TBC1D8: variants seen among roughly 807,000 people sequenced by gnomAD.
TBC1D8 encodes the protein TBC1 domain family member 8.
Under a neutral mutation model 118.8 loss-of-function variants are expected in TBC1D8, and 65 were observed. The ratio of observed to expected loss-of-function variants is 0.55; its 90% CI spans 0.45 to 0.67. The LOEUF is 0.67. TBC1D8 is among the 30% of genes least tolerant of loss of function. The pLI, the probability that TBC1D8 is intolerant of heterozygous loss-of-function variation, is 0.00. For synonymous variants in TBC1D8, 566 were observed against 595.8 expected (o/e 0.95, Z 0.73); for missense variants, 1,376 against 1,471.2 (o/e 0.94, Z 1.06).
chr2:101,090,451 A>C lies in TBC1D8; in HGVS notation c.128-87T>G, dbSNP rs567655146. The C allele has an allele frequency of 2.8e-6, 4 of 1,429,368 alleles. No homozygotes were observed. The African/African-American group carries it at 5.7e-5, about 20-fold the overall frequency. 88.5% of individuals were successfully genotyped at this position (1,429,368 alleles called of 1,614,324 possible). A position where few individuals can be genotyped will look rare whatever the true frequency, so the allele number is the denominator to read the frequency against. On this transcript the variant is annotated intron_variant, in intron 1 of 19. Coordinates refer to ENST00000409318, the MANE Select transcript of TBC1D8 (RefSeq NM_001330348.2). ...TGTGAGGCATGTGGTCGCTGTCTGG[A>C]CTCCATGCTGGGGTAGCAGAGACAG...
At chr2:101,043,056 T>C (rs1320762017) in intron 5 of TBC1D8, among the ~76,000 whole-genome samples, 3 of 152,236 alleles carry the variant, frequency 2.0e-5, no homozygotes, top group Admixed American at 6.5e-5. Flanking sequence ...TGGAATTTAC[T>C]ATCCAGCCCT....
chr2:101,040,442 G>A (rs1291705132), intron 5 of TBC1D8, 57 bp from the exon 6 acceptor site: 1 of 1,462,742 alleles, frequency 6.8e-7, no homozygotes, highest in African/African-American at 1.4e-5. Flanking sequence ...GGACAGCCAA[G>A]ATTACAAAGG....
intron 17 of TBC1D8, among the ~76,000 whole-genome samples, chr2:101,015,133 C>T (rs971984482): frequency 6.6e-6 from 1 of 152,152 alleles, no homozygotes; most frequent in African/African-American, 2.4e-5. Flanking sequence ...GGCTACAAAC[C>T]TGTACAGCAT....
intron 1 of TBC1D8, among the ~76,000 whole-genome samples, chr2:101,137,842 G>A (rs566973286): frequency 6.6e-6 from 1 of 152,186 alleles, no homozygotes; most frequent in East Asian, 1.9e-4. Flanking sequence ...TTTTTGCCAG[G>A]TGAAAACATC....
At chr2:101,112,472 G>C (rs1017647699) in intron 1 of TBC1D8, among the ~76,000 whole-genome samples, 1 of 152,190 alleles carries the variant, frequency 6.6e-6, no homozygotes, top group Non-Finnish European at 1.5e-5. Flanking sequence ...GGAAAACCAA[G>C]ATGTCACAAA....
At chr2:101,035,191 G>A (rs1487354447) in intron 9 of TBC1D8, among the ~76,000 whole-genome samples, 4 of 152,186 alleles carry the variant, frequency 2.6e-5, no homozygotes, top group South Asian at 4.1e-4. Flanking sequence ...TGACAAAAGC[G>A]CCATGGGGTC....
rs748798704 is a variant in TBC1D8 at position 101,008,071 on chromosome 2, G to A, written c.3218C>T (p.Ser1073Leu). 16 of 1,613,914 alleles carry A rather than the reference G, an allele frequency of 9.9e-6. No homozygotes were observed. The highest frequency in any genetic ancestry group is 6.7e-5 in the Admixed American group (4 of 60,004). The change falls in exon 20 of 20, where the codon TCG becomes TTG. Residue 1073 changes from serine (S) to leucine (L), a missense_variant. Ser to Leu is a moderately radical substitution (Grantham distance 145). Coordinates refer to ENST00000409318, the MANE Select transcript of TBC1D8 (RefSeq NM_001330348.2). ...CGTCTTCCCAGTGTCTGCAAAAACC[G>A]AGTCCTCAGGAGAAGGAGCTGAAGC... ...LRASAPSPED[S>L]VFADTGKTPQ...
At chr2:101,073,444 G>C (rs528971345) in intron 2 of TBC1D8, among the ~76,000 whole-genome samples, 11 of 151,928 alleles carry the variant, frequency 7.2e-5, no homozygotes, top group African/African-American at 2.7e-4. Context: ...ACAGGTGCCC[G>C]CCACCACGCC....
rs372185417 is a variant in TBC1D8 at position 101,028,035 on chromosome 2, G to A, written c.2451+13C>T. ...AATACCGTGATCACCGGGGTGAGGC[G>A]TCTGCTACCCACCACGTTCTGCTTT... is the stretch of plus-strand genomic sequence containing the variant. On this transcript the variant is annotated intron_variant, in intron 14 of 19. Coordinates refer to ENST00000409318, the MANE Select transcript of TBC1D8 (RefSeq NM_001330348.2). 120 of 1,613,442 alleles carry A rather than the reference G, an allele frequency of 7.4e-5. No individual in the cohort carries two copies. The highest frequency in any genetic ancestry group is 7.5e-5 in the Non-Finnish European group (89 of 1,179,506).
Position 101,032,346 on chromosome 2 carries a change from T to C in TBC1D8, c.1858A>G (p.Lys620Glu), listed in dbSNP as rs745506596. ...ILTSVLLLYT[K>E]EEEAFWLLVA... Reference sequence around the variant, plus strand: ...AACAGCCAGAAGGCTTCCTCCTCCTTGGTGTACAGCAGCAGCACGGAGGTC... The same window carrying C: ...AACAGCCAGAAGGCTTCCTCCTCCTCGGTGTACAGCAGCAGCACGGAGGTC... The change falls in exon 11 of 20, where the codon AAG becomes GAG. Residue 620 changes from lysine to glutamate, a missense_variant. Transcript: ENST00000409318. 24 of 1,613,662 alleles carry C rather than the reference T, an allele frequency of 1.5e-5. No homozygotes were observed. Among genetic ancestry groups the C allele is most frequent in the Admixed American group, 1.0e-4 (6 of 60,006 alleles).
At chr2:101,096,692 A>G (rs1173989348) in intron 1 of TBC1D8, among the ~76,000 whole-genome samples, 2 of 152,054 alleles carry the variant, frequency 1.3e-5, no homozygotes, top group African/African-American at 4.8e-5. Context: ...ACTGCCTTTG[A>G]TGGGCTCATC....
chr2:101,011,166 T>A, intron 18 of TBC1D8, 140 bp from the exon 19 acceptor site: 1 of 827,622 alleles, frequency 1.2e-6, no homozygotes, highest in Non-Finnish European at 1.9e-6. Context: ...AGCAAGAGAT[T>A]CCCCTGGAGA....
intron 14 of TBC1D8, 96 bp from the exon 15 acceptor site, chr2:101,027,547 G>A: frequency 9.4e-7 from 1 of 1,067,228 alleles, no homozygotes; most frequent in South Asian, 1.3e-5. Context: ...GGGGACACAA[G>A]GAGCCCATGC....
chr2:101,061,230 C>G (rs1290037642), intron 2 of TBC1D8, among the ~76,000 whole-genome samples: 2 of 148,232 alleles, frequency 1.3e-5, no homozygotes, highest in African/African-American at 2.5e-5. Flanking sequence ...GCATTTTGCT[C>G]AGTCATCTTT....
intron 4 of TBC1D8, among the ~76,000 whole-genome samples, chr2:101,052,479 C>CTTTTTT (rs3043690): frequency 7.2e-6 from 1 of 138,818 alleles, no homozygotes; most frequent in Non-Finnish European, 1.5e-5. Context: ...TTTCCTAAAT[C>CTTTTTT]TTTTTTTTTT....
intron 1 of TBC1D8, among the ~76,000 whole-genome samples, chr2:101,124,151 G>C (rs536964986): frequency 6.6e-6 from 1 of 152,212 alleles, no homozygotes; most frequent in South Asian, 2.1e-4. Context: ...ACTGCCACTG[G>C]ATCTCCGACA....
rs1407221423 is a variant in TBC1D8, at chr2:101,032,373, G to A, written c.1831C>T (p.Leu611=). 1 of 1,613,656 alleles carries A rather than the reference G, an allele frequency of 6.2e-7. No homozygotes were observed. The highest frequency in any genetic ancestry group is 8.5e-7 in the Non-Finnish European group (1 of 1,179,704). Residue 611 remains leucine (L), a synonymous_variant, in exon 11 of 20, where the codon CTG becomes TTG. Coordinates refer to ENST00000409318, the MANE Select transcript of TBC1D8 (RefSeq NM_001330348.2). ...KIGYCQSMNI[L]TSVLLLYTKE... ...GTGTACAGCAGCAGCACGGAGGTCA[G>A]GATGTTCATGGACTGCTCGGGGGTC...
chr2:101,135,972 C>T (rs1269542151), intron 1 of TBC1D8, among the ~76,000 whole-genome samples: 1 of 152,198 alleles, frequency 6.6e-6, no homozygotes, highest in Non-Finnish European at 1.5e-5. Context: ...GATCCTCCAA[C>T]CTCAGCCTCC....
Position 101,023,205 on chromosome 2 carries a change from C to T in TBC1D8, c.2521-684G>A, listed in dbSNP as rs377278108. Among the ~76,000 whole-genome samples the T allele has an allele frequency of 1.0e-4, 15 of 147,412 alleles. No individual in the cohort carries two copies. The East Asian group carries it at 1.5e-3, about 14-fold the overall frequency. ...GGTCACCCAGGCTGGAGTGCAGTGG[C>T]GCGATCTCAGCTCACTGCAACCTCC... On this transcript the variant is annotated intron_variant, in intron 15 of 19. Transcript: ENST00000409318.
Sources: allele counts gnomAD v4.1 joint callset (sites outside exome capture counted in the v4.1 genomes callset), GRCh38; gene constraint gnomAD v4.1.1; transcripts MANE v1.5; gene names NCBI Gene and HGNC (gene_info 2026-07-23, HGNC 2026-07-21).